MAG: variants seen among roughly 807,000 people sequenced by gnomAD.
The protein encoded by MAG is myelin-associated glycoprotein.
MAG carries 30 observed loss-of-function variants against 60.7 expected under a neutral mutation model. The observed-to-expected ratio is 0.49, with a 90% confidence interval of 0.37 to 0.67. The LOEUF is 0.67. Among genes scored for constraint, MAG ranks in the 30% least tolerant of loss-of-function variants. The pLI is 0.00. For synonymous variants in MAG, 384 were observed against 376.8 expected (o/e 1.02, Z -0.22); for missense variants, 795 against 851.7 (o/e 0.93, Z 0.83).
chr19:35,294,094 G>A (rs1391199298), intron 1 of MAG, 141 bp from the exon 2 acceptor site: 9 of 255,944 alleles, frequency 3.5e-5, no homozygotes, highest in Non-Finnish European at 4.3e-5. Context: ...GAGGCTGTGT[G>A]GGAGGGTCCC....
chr19:35,301,681 C>T (rs975214328), intron 6 of MAG, among the ~76,000 whole-genome samples: 9 of 152,122 alleles, frequency 5.9e-5, no homozygotes, highest in African/African-American at 1.7e-4. Context: ...CTGCCCACCT[C>T]GGCCTCCCAA....
At chr19:35,310,852 A>G (rs1488236047) in intron 9 of MAG, among the ~76,000 whole-genome samples, 1 of 152,178 alleles carries the variant, frequency 6.6e-6, no homozygotes, top group African/African-American at 2.4e-5. Context: ...GCCTGGGCTG[A>G]GCCCTTTACA....
At position 35,295,536 on chromosome 19, in the gene MAG, G is replaced by A. The variant is rs1006690864; in HGVS notation, c.47-77G>A. The A allele has an allele frequency of 1.2e-6, 2 of 1,605,838 alleles. No individual in the cohort carries two copies. Among genetic ancestry groups the A allele is most frequent in the African/African-American group, 2.7e-5 (2 of 74,822 alleles). ...GTGGGTCCCCGCAGCCCCCCGGCATGTGGTTGGGGATGGGAGCCGGAGGGG... is the reference window on the plus strand; with the variant it reads ...GTGGGTCCCCGCAGCCCCCCGGCATATGGTTGGGGATGGGAGCCGGAGGGG... On this transcript the variant is annotated intron_variant, in intron 3 of 10. Coordinates refer to ENST00000392213, the MANE Select transcript of MAG (RefSeq NM_002361.4). This position sits in a 1 kb window ranked among gnomAD's most constrained non-coding sequence, Gnocchi z 5.8.
Position 35,293,970 on chromosome 19 carries a change from A to G in MAG, c.-79-265A>G, listed in dbSNP as rs567985127. ...CGTGGGACATCTGCTCCCTCACTCC[A>G]CTCGCCACACCCCTCAGTCTCACCC... On this transcript the variant is annotated intron_variant, in intron 1 of 10. Transcript: ENST00000392213. This position sits in a 1 kb window ranked among gnomAD's most constrained non-coding sequence, Gnocchi z 4.0. Among the ~76,000 whole-genome samples the G allele has an allele frequency of 5.3e-5, 8 of 151,116 alleles. No individual in the cohort carries two copies. The highest frequency in any genetic ancestry group is 1.2e-4 in the Non-Finnish European group (8 of 67,790).
At chr19:35,292,450 T>C (rs2066363826) in intron 1 of MAG, among the ~76,000 whole-genome samples, 1 of 151,814 alleles carries the variant, frequency 6.6e-6, no homozygotes, top group Admixed American at 6.6e-5. Flanking sequence ...TCAGCACCCC[T>C]TGTGGGTGAA....
chr19:35,305,686 GGCCCACACCTGTAGTCCCA>G (rs1241820505), intron 7 of MAG, among the ~76,000 whole-genome samples: 5 of 152,178 alleles, frequency 3.3e-5, no homozygotes, highest in African/African-American at 1.2e-4. Context: ...TGGGCGTGGT[GGCCCACACCTGTAGTCCCA>G]GCACTTTGGG....
At chr19:35,303,930 T>C (rs1172937009) in intron 7 of MAG, among the ~76,000 whole-genome samples, 1 of 152,148 alleles carries the variant, frequency 6.6e-6, no homozygotes, top group African/African-American at 2.4e-5. Flanking sequence ...CAAGTTCCTG[T>C]TGGCTTCTAG....
rs773919803 is a variant in MAG, at chr19:35,299,680, G to A, written c.542G>A (p.Gly181Glu). 12 of 1,599,964 alleles carry A rather than the reference G, an allele frequency of 7.5e-6. No individual in the cohort carries two copies. The South Asian group carries it at 1.4e-4, about 18-fold the overall frequency. Reference sequence around the variant, plus strand: ...AGCTGGCTGGGCCACGAGGGGCTGGGGGAGCCCGCTGTGCTGGGCCGGCTG... The same window carrying A: ...AGCTGGCTGGGCCACGAGGGGCTGGAGGAGCCCGCTGTGCTGGGCCGGCTG... ...ELSWLGHEGLGEPAVLGRLRE... is the reference protein window; with the variant it reads ...ELSWLGHEGLEEPAVLGRLRE... Residue 181 changes from glycine to glutamate, a missense_variant, in exon 5 of 11, where the codon GGG becomes GAG. Physicochemically the swap from Gly to Glu is moderately conservative, Grantham distance 98 (BLOSUM62 -2). Coordinates refer to ENST00000392213, the MANE Select transcript of MAG (RefSeq NM_002361.4).
intron 7 of MAG, among the ~76,000 whole-genome samples, chr19:35,309,473 AC>A (rs1485038012): frequency 6.6e-6 from 1 of 151,800 alleles, no homozygotes; most frequent in Non-Finnish European, 1.5e-5. Flanking sequence ...TTTTTTTGAG[AC>A]AGCGTCTCAT....
At position 35,295,423 on chromosome 19, in the gene MAG, G is replaced by C. The variant is rs201625172; in HGVS notation, c.15G>C (p.Thr5=). ...CGCTGTACAGAATGATATTCCTCACGGCACTGCCTCTGTTCTGGATTATGA... is the reference window on the plus strand; with the variant it reads ...CGCTGTACAGAATGATATTCCTCACCGCACTGCCTCTGTTCTGGATTATGA... MIFL[T]ALPLFWIMIS... is the part of the protein sequence containing the mutation. The change falls in exon 3 of 11, where the codon ACG becomes ACC. Residue 5 remains threonine, a synonymous_variant. Coordinates refer to ENST00000392213, the MANE Select transcript of MAG (RefSeq NM_002361.4). The surrounding 1 kb of genome is among the most constrained non-coding windows in gnomAD (Gnocchi z 5.8). The C allele has an allele frequency of 8.1e-6, 13 of 1,613,802 alleles. No individual in the cohort carries two copies. Among genetic ancestry groups the C allele is most frequent in the Admixed American group, 3.3e-5 (2 of 59,972 alleles).
At chr19:35,306,469 G>T (rs1041402781) in intron 7 of MAG, among the ~76,000 whole-genome samples, 1 of 152,112 alleles carries the variant, frequency 6.6e-6, no homozygotes, top group Non-Finnish European at 1.5e-5. Context: ...ACAGGGTCTT[G>T]CTCTGTTGCC....
At chr19:35,310,412 G>A (rs1433952122) in intron 8 of MAG, 135 bp from the exon 9 acceptor site, 4 of 857,470 alleles carry the variant, frequency 4.7e-6, no homozygotes, top group African/African-American at 1.7e-5. Context: ...AGGAGGCTCC[G>A]TGCCAATCAG....
intron 10 of MAG, 58 bp downstream of exon 10, chr19:35,312,075 T>G: frequency 6.5e-7 from 1 of 1,530,538 alleles, no homozygotes; most frequent in South Asian, 1.1e-5. Flanking sequence ...ACTGAAGGCC[T>G]GGGAAAGGCC....
In MAG at chr19:35,295,422, C is replaced by G. The variant is rs149262142; in HGVS notation, c.14C>G (p.Thr5Arg). ...TCGCTGTACAGAATGATATTCCTCA[C>G]GGCACTGCCTCTGTTCTGGATTATG... MIFL[T>R]ALPLFWIMIS... Residue 5 changes from threonine (T) to arginine (R), a missense_variant, in exon 3 of 11, where the codon ACG (threonine) becomes AGG (arginine). Thr to Arg is a moderately conservative substitution (Grantham distance 71). Transcript: ENST00000392213. This position sits in a 1 kb window ranked among gnomAD's most constrained non-coding sequence, Gnocchi z 5.8. 6.2e-7 allele frequency: 1 copy of G among 1,614,068 alleles called. No homozygotes were observed. Among genetic ancestry groups the G allele is most frequent in the Non-Finnish European group, 8.5e-7 (1 of 1,180,028 alleles).
chr19:35,301,899 G>A (rs925496506), intron 6 of MAG, among the ~76,000 whole-genome samples: 7 of 136,986 alleles, frequency 5.1e-5, no homozygotes, highest in Admixed American at 3.5e-4. Flanking sequence ...TCTTCCCCCC[G>A]GCATTCCCCA....
chr19:35,302,383 T>C, intron 6 of MAG, 65 bp from the exon 7 acceptor site: 6 of 1,588,006 alleles, frequency 3.8e-6, no homozygotes, highest in South Asian at 2.3e-5. Flanking sequence ...TATCTGGGGA[T>C]GGTAGTTGGC....
At chr19:35,299,979 C>T (rs1233982083) in intron 5 of MAG, 129 bp downstream of exon 5, 5 of 381,136 alleles carry the variant, frequency 1.3e-5, no homozygotes, top group Non-Finnish European at 6.5e-6. Context: ...CAGGGCCAGG[C>T]AGGGATTGGG....
At chr19:35,292,880 G>A (rs929422694) in intron 1 of MAG, among the ~76,000 whole-genome samples, 3 of 151,912 alleles carry the variant, frequency 2.0e-5, no homozygotes, top group African/African-American at 7.3e-5. Context: ...GTTTACAGGC[G>A]TGAGCCACTG....
intron 7 of MAG, among the ~76,000 whole-genome samples, chr19:35,305,061 G>C (rs1395871631): frequency 6.6e-6 from 1 of 152,122 alleles, no homozygotes; most frequent in African/African-American, 2.4e-5. Flanking sequence ...ACTCAATCCG[G>C]CTTCTCTTGA....
Sources: gnomAD v4.1 joint callset for allele counts (sites outside exome capture counted in the v4.1 genomes callset) on GRCh38, gnomAD v4.1.1 for gene constraint, Gnocchi (gnomAD v3.1) non-coding constraint, MANE v1.5 for transcripts, NCBI Gene and HGNC (gene_info 2026-07-23, HGNC 2026-07-21) for gene names.